Variants in CAMTA1 observed in about 807,000 individuals in gnomAD.
CAMTA1 encodes calmodulin-binding transcription activator 1.
A neutral mutation model predicts 170.9 loss-of-function variants in CAMTA1; 27 were observed. That is an observed-to-expected ratio of 0.16 (90% confidence interval 0.12 to 0.22). The LOEUF is 0.22. Ranked by LOEUF, CAMTA1 falls within the 10% of genes least tolerant of loss-of-function variation. The pLI, the probability that CAMTA1 is intolerant of heterozygous loss-of-function variation, is 1.00. For synonymous variants in CAMTA1, 833 were observed against 891.5 expected (o/e 0.93, Z 1.17); for missense variants, 1,619 against 2,217.2 (o/e 0.73, Z 5.42).
intron 6 of CAMTA1, among the ~76,000 whole-genome samples, chr1:7,504,759 G>A (rs549551055): frequency 3.3e-5 from 5 of 152,366 alleles, no homozygotes; most frequent in African/African-American, 9.6e-5. Flanking sequence ...TGGGAATAGC[G>A]GCTCTGGACC....
intron 6 of CAMTA1, among the ~76,000 whole-genome samples, chr1:7,591,630 G>C (rs1413607987): frequency 6.6e-6 from 1 of 152,218 alleles, no homozygotes; most frequent in Admixed American, 6.5e-5. Context: ...GTGGCCACTA[G>C]AATCCCTCCC....
At chr1:7,137,092 G>C (rs2148582404) in intron 4 of CAMTA1, among the ~76,000 whole-genome samples, 1 of 152,234 alleles carries the variant, frequency 6.6e-6, no homozygotes, top group South Asian at 2.1e-4. Flanking sequence ...AATCTTTCCT[G>C]TCTCAGAAAA....
At chr1:7,511,210 G>A (rs2094197932) in intron 6 of CAMTA1, among the ~76,000 whole-genome samples, 1 of 145,110 alleles carries the variant, frequency 6.9e-6, no homozygotes, top group African/African-American at 2.5e-5. Context: ...AGTTAAGCCA[G>A]GATAATGCAG....
At chr1:7,475,219 T>C (rs995419513) in intron 6 of CAMTA1, among the ~76,000 whole-genome samples, 4 of 152,236 alleles carry the variant, frequency 2.6e-5, no homozygotes, top group African/African-American at 9.6e-5. Flanking sequence ...TTATGTTTCA[T>C]CAGGGTGAAA....
intron 6 of CAMTA1, among the ~76,000 whole-genome samples, chr1:7,488,593 T>C (rs1361431282): frequency 6.6e-6 from 1 of 152,112 alleles, no homozygotes; most frequent in Non-Finnish European, 1.5e-5. Flanking sequence ...TGTGTACACA[T>C]ACATGCATGA....
intron 3 of CAMTA1, among the ~76,000 whole-genome samples, chr1:6,863,568 T>C (rs2148918576): frequency 6.6e-6 from 1 of 152,366 alleles, no homozygotes; most frequent in Middle Eastern, 3.4e-3. Flanking sequence ...CCCTTCCGTG[T>C]TCTCAGTGAA....
rs548499824 is a variant in CAMTA1, at chr1:7,134,102, C to T, written c.302+42731C>T. Among the ~76,000 whole-genome samples the T allele has an allele frequency of 3.9e-5, 6 of 152,218 alleles. No homozygotes were observed. In the South Asian group the frequency reaches 6.2e-4, roughly 16 times the overall value. ...CGTCAACTGTTCCCATTTCTATGTCCATGAGTACCCAATGTTTAGCTCCCA... is the reference window on the plus strand; with the variant it reads ...CGTCAACTGTTCCCATTTCTATGTCTATGAGTACCCAATGTTTAGCTCCCA... On this transcript the variant is annotated intron_variant, in intron 4 of 22. Coordinates refer to ENST00000303635, the MANE Select transcript of CAMTA1 (RefSeq NM_015215.4).
At chr1:7,264,330 A>C (rs147355637) in intron 5 of CAMTA1, among the ~76,000 whole-genome samples, 115 of 152,268 alleles carry the variant, frequency 7.6e-4, no homozygotes, top group African/African-American at 2.6e-3. Flanking sequence ...AAGGCTGCTG[A>C]TCAACAAGTA....
chr1:7,284,708 C>A (rs575723689), intron 5 of CAMTA1, among the ~76,000 whole-genome samples: 1 of 152,322 alleles, frequency 6.6e-6, no homozygotes, highest in Non-Finnish European at 1.5e-5. Context: ...AGTTCTTGTG[C>A]TCGCCACATG....
chr1:7,518,997 GC>G (rs1482068906), intron 6 of CAMTA1, among the ~76,000 whole-genome samples: 2 of 152,004 alleles, frequency 1.3e-5, no homozygotes, highest in Non-Finnish European at 2.9e-5. Flanking sequence ...GGAGAGCAAG[GC>G]AGTTCTCAAG....
intron 9 of CAMTA1, among the ~76,000 whole-genome samples, chr1:7,668,088 G>A (rs2096017253): frequency 6.6e-6 from 1 of 152,142 alleles, no homozygotes. Context: ...CTCCCTGCCA[G>A]CCTGTCTGTG....
intron 5 of CAMTA1, among the ~76,000 whole-genome samples, chr1:7,340,902 A>T (rs539035739): frequency 1.3e-5 from 2 of 152,298 alleles, no homozygotes; most frequent in African/African-American, 4.8e-5. Flanking sequence ...ACAAACCCAT[A>T]CGTAGTCCAC....
At chr1:7,450,849 G>A (rs1203505912) in intron 5 of CAMTA1, among the ~76,000 whole-genome samples, 4 of 149,180 alleles carry the variant, frequency 2.7e-5, no homozygotes, top group Non-Finnish European at 5.9e-5. Flanking sequence ...CCCCTCTATT[G>A]GGGCAGAGAG....
chr1:7,360,723 G>C (rs2085477546), intron 5 of CAMTA1, among the ~76,000 whole-genome samples: 1 of 152,200 alleles, frequency 6.6e-6, no homozygotes. Flanking sequence ...GCCTGGCAGA[G>C]TGAGCAGGCT....
intron 3 of CAMTA1, among the ~76,000 whole-genome samples, chr1:6,978,409 G>A (rs1024220615): frequency 6.6e-6 from 1 of 152,104 alleles, no homozygotes; most frequent in Non-Finnish European, 1.5e-5. Context: ...TGAGGTGGGT[G>A]GATCACCCGA....
intron 1 of CAMTA1, among the ~76,000 whole-genome samples, chr1:6,797,312 C>T (rs1407618533): frequency 5.9e-5 from 9 of 152,056 alleles, no homozygotes; most frequent in East Asian, 1.9e-4. Flanking sequence ...CCTCCTGCAT[C>T]GGCCTCCCAA....
At chr1:7,491,202 G>GC (rs1278813238) in intron 6 of CAMTA1, among the ~76,000 whole-genome samples, 3 of 152,084 alleles carry the variant, frequency 2.0e-5, no homozygotes, top group Non-Finnish European at 4.4e-5. Flanking sequence ...TGTACCCCCT[G>GC]CCATCACCTG....
At chr1:6,788,467 A>G (rs541919563) in intron 1 of CAMTA1, among the ~76,000 whole-genome samples, 5 of 152,292 alleles carry the variant, frequency 3.3e-5, no homozygotes, top group South Asian at 4.1e-4. Context: ...CTGATTCCCA[A>G]TGTCAGAAAG....
chr1:7,193,070 G>A (rs1654848712), intron 4 of CAMTA1, among the ~76,000 whole-genome samples: 1 of 152,118 alleles, frequency 6.6e-6, no homozygotes. Flanking sequence ...AGTCATTTGG[G>A]CCAGGCACAG....
Sources: gnomAD v4.1 joint callset for allele counts (sites outside exome capture counted in the v4.1 genomes callset) on GRCh38, gnomAD v4.1.1 for gene constraint, MANE v1.5 for transcripts, NCBI Gene and HGNC (gene_info 2026-07-23, HGNC 2026-07-21) for gene names.